Variants in STAM observed in about 807,000 individuals in gnomAD.
STAM encodes the protein signal transducing adaptor molecule.
Under a neutral mutation model 63.4 loss-of-function variants are expected in STAM, and 16 were observed. The observed-to-expected ratio is 0.25, with a 90% CI of 0.17 to 0.38. The LOEUF (loss-of-function observed/expected upper bound fraction) is 0.38, where lower values mean the gene tolerates loss of function less well. Ranked by LOEUF, STAM falls within the 10% of genes least tolerant of loss-of-function variation. The pLI is 1.00. For synonymous variants in STAM, 238 were observed against 223.9 expected (o/e 1.06, Z -0.56); for missense variants, 636 against 657.1 (o/e 0.97, Z 0.35).
rs1554830615 is a variant in STAM at position 17,714,713 on chromosome 10, C to G, written c.1556C>G (p.Pro519Arg). The part of the protein sequence containing the change: ...PNYNLTSSTL[P>R]QPGGSQQPPQ... ...TATAACTTAACATCATCAACTCTGC[C>G]TCAGCCCGGAGGCAGCCAACAGCCA... The change falls in exon 14 of 14, where the codon CCT becomes CGT. Residue 519 changes from proline to arginine, a missense_variant. By Grantham distance (103) the Pro-to-Arg change is moderately radical. Transcript: ENST00000377524. The G allele has an allele frequency of 1.9e-6, 3 of 1,613,974 alleles. No individual in the cohort carries two copies. Among genetic ancestry groups the G allele is most frequent in the Non-Finnish European group, 2.5e-6 (3 of 1,180,022 alleles).
intron 5 of STAM, among the ~76,000 whole-genome samples, chr10:17,690,649 A>G (rs1407541458): frequency 6.6e-6 from 1 of 152,256 alleles, no homozygotes; most frequent in Non-Finnish European, 1.5e-5. Context: ...TTTTCATCAG[A>G]CTAGATTTTT....
At chr10:17,697,383 C>T (rs1364080337) in intron 8 of STAM, among the ~76,000 whole-genome samples, 2 of 152,116 alleles carry the variant, frequency 1.3e-5, no homozygotes, top group Non-Finnish European at 2.9e-5. Flanking sequence ...TTTTCTTGTT[C>T]AAAGGTTGGG....
At chr10:17,669,771 C>G (rs1206696234) in intron 2 of STAM, among the ~76,000 whole-genome samples, 2 of 151,080 alleles carry the variant, frequency 1.3e-5, no homozygotes, top group East Asian at 3.9e-4. Context: ...AATCTCAGCT[C>G]ACCGCAAATG....
intron 1 of STAM, among the ~76,000 whole-genome samples, chr10:17,650,676 T>A (rs1833701094): frequency 6.6e-6 from 1 of 152,212 alleles, no homozygotes; most frequent in Non-Finnish European, 1.5e-5. Context: ...TTCCAGCTGT[T>A]CTTCCCTGCT....
intron 2 of STAM, among the ~76,000 whole-genome samples, chr10:17,673,577 G>A (rs1187775189): frequency 6.6e-6 from 1 of 152,192 alleles, no homozygotes; most frequent in Non-Finnish European, 1.5e-5. Context: ...AGAGGGCATG[G>A]TTAAGGAGTG....
chr10:17,701,027 A>G (rs782031422), intron 9 of STAM, among the ~76,000 whole-genome samples: 4 of 152,210 alleles, frequency 2.6e-5, no homozygotes, highest in Non-Finnish European at 5.9e-5. Flanking sequence ...TCATTGTCAC[A>G]CCTGAAACAA....
intron 5 of STAM, among the ~76,000 whole-genome samples, chr10:17,691,458 C>G (rs11813361): frequency 5.6e-4 from 85 of 152,288 alleles, no homozygotes; most frequent in African/African-American, 2.0e-3. Context: ...GCGGAGCTTG[C>G]AGTGAGCCAA....
chr10:17,650,949 C>T (rs527539211), intron 1 of STAM, among the ~76,000 whole-genome samples: 2 of 151,164 alleles, frequency 1.3e-5, no homozygotes, highest in Non-Finnish European at 3.0e-5. Context: ...CCTGTAGTCC[C>T]AGCTACTCAG....
rs1033524734 is a variant in STAM at position 17,715,976 on chromosome 10, T to C, written c.*1196T>C. ...TTTTCTTTCACACTGGATTTTTGGG[T>C]TGCTCTTTCTGGCCTTTTAAAATTC... On this transcript the variant is annotated 3_prime_UTR_variant, in exon 14 of 14. Transcript: ENST00000377524. 6.6e-6 allele frequency: 1 copy of C among 152,604 alleles called. No homozygotes were observed. The highest frequency in any genetic ancestry group is 1.5e-5 in the Non-Finnish European group (1 of 68,002). 9.5% of individuals were successfully genotyped at this position (152,604 alleles called of 1,614,324 possible).
intron 5 of STAM, among the ~76,000 whole-genome samples, chr10:17,691,315 G>A (rs1187923895): frequency 6.6e-6 from 1 of 152,086 alleles, no homozygotes; most frequent in Non-Finnish European, 1.5e-5. Context: ...TCAGGAGATC[G>A]AGACCATCCT....
At chr10:17,672,991 A>T in intron 2 of STAM, 1 of 982,326 alleles carries the variant, frequency 1.0e-6, no homozygotes, top group Non-Finnish European at 1.2e-6. Flanking sequence ...AAAAGAGAGG[A>T]TGTGTCTTAC....
At chr10:17,654,473 C>A (rs936906041) in intron 1 of STAM, among the ~76,000 whole-genome samples, 3 of 152,054 alleles carry the variant, frequency 2.0e-5, no homozygotes, top group Non-Finnish European at 4.4e-5. Context: ...CCGCCCACCT[C>A]GGCCTCCCAA....
intron 2 of STAM, among the ~76,000 whole-genome samples, chr10:17,666,192 C>T (rs1318183522): frequency 6.6e-6 from 1 of 151,966 alleles, no homozygotes. Context: ...TAGCTTTAGC[C>T]AAAGATATAG....
chr10:17,674,279 A>G lies in STAM; in HGVS notation c.126-10396A>G, dbSNP rs369487262. On this transcript the variant is annotated intron_variant, in intron 2 of 13. Coordinates refer to ENST00000377524, the MANE Select transcript of STAM (RefSeq NM_003473.4). ...TGTTCTAGTTATCTCTTACTACACA[A>G]CTCTTAGTAGTAACTGTCCTAACAC... 7.9e-5 allele frequency among the ~76,000 whole-genome samples: 12 copies of G among 152,086 alleles called. No individual in the cohort carries two copies. The East Asian group carries it at 1.2e-3, about 15-fold the overall frequency.
At chr10:17,704,305 C>A in intron 9 of STAM, 126 bp from the exon 10 acceptor site, 1 of 745,904 alleles carries the variant, frequency 1.3e-6, no homozygotes, top group Non-Finnish European at 2.2e-6. Context: ...ACACTGACAA[C>A]ATAAAAGCAA....
chr10:17,712,308 C>G (rs1319790013), intron 13 of STAM, among the ~76,000 whole-genome samples: 3 of 152,164 alleles, frequency 2.0e-5, no homozygotes, highest in Non-Finnish European at 4.4e-5. Context: ...GACATTCTGA[C>G]TCCAGAACCC....
At chr10:17,703,008 C>CAAAAAAAA (rs71507229) in intron 9 of STAM, among the ~76,000 whole-genome samples, 53 of 67,638 alleles carry the variant, frequency 7.8e-4, no homozygotes, top group African/African-American at 1.4e-3. Flanking sequence ...GACTCCATCT[C>CAAAAAAAA]AAAAAAAAAA....
rs1418389101 is a variant in STAM at position 17,715,595 on chromosome 10, C to T, written c.*815C>T. 2.0e-5 allele frequency: 3 copies of T among 152,574 alleles called. No homozygotes were observed. The highest frequency in any genetic ancestry group is 2.9e-5 in the Non-Finnish European group (2 of 68,012). The allele number at this position is 152,574 out of a possible 1,614,324, so 9.5% of individuals were successfully genotyped here. On this transcript the variant is annotated 3_prime_UTR_variant, in exon 14 of 14. Transcript: ENST00000377524. ...CATGAGACAAAATTAAGTACGATCACATTCTTTATTTCTCATTTTAAAGAA... is the reference window on the plus strand; with the variant it reads ...CATGAGACAAAATTAAGTACGATCATATTCTTTATTTCTCATTTTAAAGAA...
intron 12 of STAM, among the ~76,000 whole-genome samples, chr10:17,707,423 A>C (rs1250636363): frequency 6.6e-6 from 1 of 151,754 alleles, no homozygotes; most frequent in Non-Finnish European, 1.5e-5. Flanking sequence ...AAATAATAAT[A>C]ATAATAATAA....
Sources: allele counts gnomAD v4.1 joint callset (sites outside exome capture counted in the v4.1 genomes callset), GRCh38; gene constraint gnomAD v4.1.1; transcripts MANE v1.5; gene names NCBI Gene and HGNC (gene_info 2026-07-23, HGNC 2026-07-21).